The following SANBR variants were observed in gnomAD, a reference collection of about 807,000 sequenced individuals.
SANBR encodes the protein SANT and BTB domain regulator of class switch recombination.
In SANBR, 77 loss-of-function variants were observed where a neutral mutation model predicts 101.8. The ratio of observed to expected loss-of-function variants is 0.76; its 90% confidence interval spans 0.63 to 0.91. The LOEUF (loss-of-function observed/expected upper bound fraction) is 0.91. Among genes scored for constraint, SANBR ranks in the 40% least tolerant of loss-of-function variants. The pLI, the probability that SANBR is intolerant of heterozygous loss-of-function variation, is 0.00. For missense variants in SANBR, 875 were observed against 853.0 expected, an observed-to-expected ratio of 1.03 and a Z score of -0.32; for synonymous variants, 279 against 274.7, an observed-to-expected ratio of 1.02 and a Z score of -0.15.
At chr2:61,099,415 C>T (rs548518305) in intron 12 of SANBR, among the ~76,000 whole-genome samples, 1 of 152,084 alleles carries the variant, frequency 6.6e-6, no homozygotes, top group Non-Finnish European at 1.5e-5. Context: ...GATTGTATTA[C>T]AGAGGGAGAG....
rs1210990531 is a variant in SANBR, at chr2:61,121,408, C to G, written c.2120+132C>G. 1.7e-5 allele frequency: 9 copies of G among 545,302 alleles called. No homozygotes were observed. In the East Asian group the frequency reaches 3.0e-4, roughly 18 times the overall value. 33.8% of individuals were successfully genotyped at this position (545,302 alleles called of 1,614,324 possible). On this transcript the variant is annotated intron_variant, in intron 21 of 21. Transcript: ENST00000402291. ...TGTTTTGTTTCAATGATTATATTAT[C>G]AAGGCACTAATTAGAAACAGATTTT...
intron 20 of SANBR, among the ~76,000 whole-genome samples, chr2:61,133,612 A>T (rs1003597489): frequency 6.6e-6 from 1 of 152,224 alleles, no homozygotes; most frequent in Admixed American, 6.5e-5. Context: ...TAAAAATTTT[A>T]AAAAGGAATG....
At chr2:61,071,542 T>G in intron 3 of SANBR, 64 bp from the exon 4 acceptor site, 1 of 1,084,630 alleles carries the variant, frequency 9.2e-7, no homozygotes, top group Non-Finnish European at 1.3e-6. Context: ...AATGTGAGAC[T>G]CCGTCTCAAA....
At chr2:61,089,198 T>G in intron 10 of SANBR, 2 of 985,286 alleles carry the variant, frequency 2.0e-6, no homozygotes, top group Non-Finnish European at 2.4e-6. Context: ...TATTTGTTCT[T>G]CATACTTTGT....
At chr2:61,128,683 G>A (rs1196517258), downstream of SANBR, among the ~76,000 whole-genome samples, 4 of 152,092 alleles carry the variant, frequency 2.6e-5, no homozygotes, top group Admixed American at 1.3e-4. Context: ...TAGTAGAGAC[G>A]GGGTTTCGCC....
At position 61,066,022 on chromosome 2, in the gene SANBR, G is replaced by C. The variant is rs1681128177; in HGVS notation, c.-152G>C. 1 of 152,242 alleles carries C rather than the reference G, an allele frequency of 6.6e-6. No homozygotes were observed. Among genetic ancestry groups the C allele is most frequent in the African/African-American group, 2.4e-5 (1 of 41,416 alleles). The allele number at this position is 152,242 out of a possible 1,614,324, so 9.4% of individuals were successfully genotyped here. A position where few individuals can be genotyped will look rare whatever the true frequency, so the allele number is the denominator to read the frequency against. The stretch of plus-strand genomic sequence containing the variant: ...GCGCTGCGAGGGCAGCCGCGGCCCT[G>C]TGGAGGTGAGCGAGACGCCGAGGGG... On this transcript the variant is annotated 5_prime_UTR_variant, in exon 1 of 22. Coordinates refer to ENST00000402291, the MANE Select transcript of SANBR (RefSeq NM_001129993.3).
rs543475264 is a variant in SANBR at position 61,108,188 on chromosome 2, A to C, written c.1612-129A>C. ...ATATCACTTTCAGCCTGAGTTTTAA[A>C]TTATGTTTCAGCCTGGAAGGGAACT... On this transcript the variant is annotated intron_variant, in intron 14 of 21. Transcript: ENST00000402291. The C allele has an allele frequency of 1.4e-5, 7 of 491,520 alleles. No homozygotes were observed. In the South Asian group the frequency reaches 3.2e-4, roughly 23 times the overall value. 30.4% of individuals were successfully genotyped at this position (491,520 alleles called of 1,614,324 possible).
intron 16 of SANBR, among the ~76,000 whole-genome samples, chr2:61,113,975 T>G (rs1289500806): frequency 1.3e-5 from 2 of 152,362 alleles, no homozygotes; most frequent in East Asian, 3.9e-4. Context: ...CACATGCTTT[T>G]TCTCCATCTA....
intron 5 of SANBR, 73 bp downstream of exon 5, chr2:61,073,624 A>C: frequency 1.2e-6 from 1 of 830,456 alleles, no homozygotes; most frequent in Non-Finnish European, 1.9e-6. Context: ...ATTGGTGGTT[A>C]CCATAAGGTA....
Position 61,106,650 on chromosome 2 carries a change from G to A in SANBR, c.1599G>A (p.Gly533=), listed in dbSNP as rs146410858. 148 of 1,576,880 alleles carry A rather than the reference G, an allele frequency of 9.4e-5. 1 individual carries two copies. The highest frequency in any genetic ancestry group is 4.8e-5 in the Non-Finnish European group (56 of 1,162,790). Residue 533 remains glycine, a synonymous_variant, in exon 14 of 22, where the codon GGG becomes GGA. Coordinates refer to ENST00000402291, the MANE Select transcript of SANBR (RefSeq NM_001129993.3). ...ATACACCATGGGGTCCCAAAACTGG[G>A]GAGCTCAATGCTGTGAGTAGTTTTT... is the stretch of plus-strand genomic sequence containing the variant. ...EPNTPWGPKT[G]ELNAFLSLKN...
Position 61,073,035 on chromosome 2 carries a change from C to A in SANBR, c.338-423C>A, listed in dbSNP as rs113996191. Among the ~76,000 whole-genome samples the A allele has an allele frequency of 2.4e-3, 368 of 151,954 alleles. 1 individual carries two copies. Among genetic ancestry groups the A allele is most frequent in the Non-Finnish European group, 4.5e-3 (306 of 67,976 alleles). On this transcript the variant is annotated intron_variant, in intron 4 of 21. Coordinates refer to ENST00000402291, the MANE Select transcript of SANBR (RefSeq NM_001129993.3). ...TAGTCAACAAGAGCTTCAACTGACA[C>A]AGTAGTGGGGTAAAAGATGTTTTCT...
At chr2:61,091,552 G>T (rs1420929411) in intron 10 of SANBR, among the ~76,000 whole-genome samples, 1 of 149,982 alleles carries the variant, frequency 6.7e-6, no homozygotes, top group Non-Finnish European at 1.5e-5. Context: ...CCAGGATCGC[G>T]CCACTTCACT....
intron 11 of SANBR, 79 bp from the exon 12 acceptor site, chr2:61,097,618 TATA>T: frequency 9.4e-7 from 1 of 1,063,570 alleles, no homozygotes; most frequent in South Asian, 1.6e-5. Flanking sequence ...AAATGGAACA[TATA>T]ATATTTGGTC....
At chr2:61,130,374 A>G (rs1196717258) in intron 20 of SANBR, among the ~76,000 whole-genome samples, 1 of 152,210 alleles carries the variant, frequency 6.6e-6, no homozygotes, top group Non-Finnish European at 1.5e-5. Context: ...AAATATGAAT[A>G]GTTCTATAAC....
intron 20 of SANBR, among the ~76,000 whole-genome samples, chr2:61,133,861 T>C (rs1187271542): frequency 5.3e-5 from 8 of 152,328 alleles, no homozygotes; most frequent in Admixed American, 1.3e-4. Flanking sequence ...TCAAAACTGA[T>C]TGTGGTAATG....
intron 7 of SANBR, among the ~76,000 whole-genome samples, chr2:61,082,194 T>C (rs1433569410): frequency 6.6e-6 from 1 of 152,132 alleles, no homozygotes; most frequent in Non-Finnish European, 1.5e-5. Flanking sequence ...TCCTTAGCTC[T>C]TCCCCATTTA....
At chr2:61,075,614 C>T (rs1027768774) in intron 5 of SANBR, among the ~76,000 whole-genome samples, 2 of 152,084 alleles carry the variant, frequency 1.3e-5, no homozygotes, top group Admixed American at 6.6e-5. Flanking sequence ...GAAGCAGACT[C>T]TCTGATGTGT....
At position 61,075,541 on chromosome 2, in the gene SANBR, C is replaced by G. The variant is rs1018778658; in HGVS notation, c.432-1379C>G. Among the ~76,000 whole-genome samples the G allele has an allele frequency of 4.6e-5, 7 of 152,200 alleles. No individual in the cohort carries two copies. The East Asian group carries it at 1.4e-3, about 30-fold the overall frequency. The stretch of plus-strand genomic sequence containing the variant: ...CCCAAAGTGCTGGGATTGCAGGCGT[C>G]AGCCACCTTGCCCAGCCGACGTAAT... On this transcript the variant is annotated intron_variant, in intron 5 of 21. Transcript: ENST00000402291.
At chr2:61,100,836 A>G (rs1402102697) in intron 12 of SANBR, among the ~76,000 whole-genome samples, 3 of 152,218 alleles carry the variant, frequency 2.0e-5, no homozygotes, top group African/African-American at 7.2e-5. Flanking sequence ...ATTGGCAGTC[A>G]TAAATTCACA....
Sources: gnomAD v4.1 joint callset for allele counts (sites outside exome capture counted in the v4.1 genomes callset) on GRCh38, gnomAD v4.1.1 for gene constraint, MANE v1.5 for transcripts, NCBI Gene and HGNC (gene_info 2026-07-23, HGNC 2026-07-21) for gene names.